Variants in RDH8 observed in about 807,000 individuals in gnomAD.
RDH8 encodes photoreceptor outer segment all-trans retinol dehydrogenase.
RDH8 carries 14 observed loss-of-function variants against 22.3 expected under a neutral mutation model. That is an observed-to-expected ratio of 0.63 (90% confidence interval 0.42 to 0.98). RDH8 has a LOEUF of 0.98. Ranked by LOEUF, RDH8 falls within the 50% of genes least tolerant of loss-of-function variation. RDH8 has a pLI of 0.00. For missense variants in RDH8, 389 were observed against 409.8 expected (o/e 0.95, Z 0.44); for synonymous variants, 175 against 171.7 (o/e 1.02, Z -0.15).
intron 1 of RDH8, among the ~76,000 whole-genome samples, chr19:10,014,374 C>T (rs1486764014): frequency 6.6e-6 from 1 of 152,120 alleles, no homozygotes; most frequent in African/African-American, 2.4e-5. Context: ...TAACGTGTGT[C>T]CCTATGGGCG....
intron 2 of RDH8, 58 bp from the exon 3 acceptor site, chr19:10,018,673 G>A (rs1346219902): frequency 7.0e-7 from 1 of 1,421,310 alleles, no homozygotes. Flanking sequence ...GGAGTGTCTA[G>A]AAGTAATGCT....
At chr19:10,021,487 G>C in intron 5 of RDH8, 47 bp from the exon 6 acceptor site, 1 of 1,613,856 alleles carries the variant, frequency 6.2e-7, no homozygotes, top group Non-Finnish European at 8.5e-7. Context: ...TATGTTGCGG[G>C]GTGAGGCCCT....
At chr19:10,016,051 A>C (rs1407137994) in intron 1 of RDH8, among the ~76,000 whole-genome samples, 1 of 151,550 alleles carries the variant, frequency 6.6e-6, no homozygotes, top group Non-Finnish European at 1.5e-5. Flanking sequence ...TTTTCATGGC[A>C]ATCTGTTTTA....
rs1435170112 is a variant in RDH8 at position 10,021,676 on chromosome 19, G to A, written c.863G>A (p.Cys288Tyr). The A allele has an allele frequency of 4.5e-5, 73 of 1,614,004 alleles. No homozygotes were observed. Among genetic ancestry groups the A allele is most frequent in the Non-Finnish European group, 6.2e-5 (73 of 1,180,024 alleles). ...ACGACCCACCGCCTCCTCTTCCGCTGTCCACGCCTCCTCAACCTTGGCCTT... is the reference window on the plus strand; with the variant it reads ...ACGACCCACCGCCTCCTCTTCCGCTATCCACGCCTCCTCAACCTTGGCCTT... ...VRTTHRLLFR[C>Y]PRLLNLGLQC... is the part of the protein sequence containing the mutation. The change falls in exon 6 of 6, where the codon TGT (cysteine) becomes TAT (tyrosine). Residue 288 changes from cysteine to tyrosine, a missense_variant. By Grantham distance (194) the Cys-to-Tyr change is radical. Coordinates refer to ENST00000591589, the MANE Select transcript of RDH8 (RefSeq NM_015725.4).
rs763537587 is a variant in RDH8 at position 10,020,773 on chromosome 19, C to T, written c.507C>T (p.Leu169=). The T allele has an allele frequency of 1.7e-5, 27 of 1,610,204 alleles. No homozygotes were observed. The highest frequency in any genetic ancestry group is 1.5e-4 in the African/African-American group (11 of 74,868). The change falls in exon 4 of 6, where the codon CTC becomes CTT. Residue 169 remains leucine, a synonymous_variant. Transcript: ENST00000591589. ...CCCTGGAGGGATTCTTCGAAAGCCT[C>T]GCTATCCAGCTGCTGCAGTTCAACA... ...KFALEGFFES[L]AIQLLQFNIF... is the part of the protein sequence containing the mutation.
chr19:10,017,552 G>C (rs1338594541), intron 2 of RDH8, among the ~76,000 whole-genome samples: 1 of 152,200 alleles, frequency 6.6e-6, no homozygotes, highest in African/African-American at 2.4e-5. Context: ...AGCTACTCGG[G>C]AGGCCAAGGT....
At chr19:10,016,989 A>G in intron 1 of RDH8, 68 bp from the exon 2 acceptor site, 1 of 1,400,964 alleles carries the variant, frequency 7.1e-7, no homozygotes, top group Non-Finnish European at 9.4e-7. Context: ...AAGATCACAG[A>G]CACGTGGCGC....
At chr19:10,018,250 T>C (rs560803828) in intron 2 of RDH8, among the ~76,000 whole-genome samples, 1 of 152,186 alleles carries the variant, frequency 6.6e-6, no homozygotes, top group South Asian at 2.1e-4. Flanking sequence ...AGCTCAAAAA[T>C]CAATTTTTTT....
At position 10,021,637 on chromosome 19, in the gene RDH8, G is replaced by C. The variant is rs968313681; in HGVS notation, c.824G>C (p.Ser275Thr). The C allele has an allele frequency of 1.2e-6, 2 of 1,613,716 alleles. No individual in the cohort carries two copies. Among genetic ancestry groups the C allele is most frequent in the East Asian group, 4.5e-5 (2 of 44,884 alleles). ...CTCAAAACCGTGGATTCCTCTGGCA[G>C]CCTGTATGTGCGAACGACCCACCGC... ...TTLKTVDSSG[S>T]LYVRTTHRLL... is the part of the protein sequence containing the mutation. Residue 275 changes from serine to threonine, a missense_variant, in exon 6 of 6, where the codon AGC becomes ACC. Physicochemically the swap from Ser to Thr is moderately conservative, Grantham distance 58 (BLOSUM62 1). Transcript: ENST00000591589.
chr19:10,018,669 T>A (rs1433149000), intron 2 of RDH8, 62 bp from the exon 3 acceptor site: 1 of 1,392,188 alleles, frequency 7.2e-7, no homozygotes, highest in Non-Finnish European at 9.9e-7. Flanking sequence ...TCAGGGAGTG[T>A]CTAGAAGTAA....
chr19:10,021,264 G>T lies in RDH8; in HGVS notation c.546G>T (p.Leu182=). Residue 182 remains leucine, a synonymous_variant, in exon 5 of 6, where the codon CTG becomes CTT. Transcript: ENST00000591589. ...CATGCCTGGTCGCCAGCATCTCCCT[G>T]GTGGAGCCAGGCCCCGTGGTCACCG... ...QLLQFNIFIS[L]VEPGPVVTEF... 2.5e-6 allele frequency: 4 copies of T among 1,614,082 alleles called. No homozygotes were observed. The highest frequency in any genetic ancestry group is 3.4e-6 in the Non-Finnish European group (4 of 1,180,004).
At position 10,022,070 on chromosome 19, in the gene RDH8, A is replaced by C; in HGVS notation, c.*321A>C. 6.2e-6 allele frequency: 2 copies of C among 322,206 alleles called. No individual in the cohort carries two copies. The highest frequency in any genetic ancestry group is 1.2e-5 in the Non-Finnish European group (2 of 172,972). The allele number at this position is 322,206 out of a possible 1,614,324, so 20.0% of individuals were successfully genotyped here. On this transcript the variant is annotated 3_prime_UTR_variant, in exon 6 of 6. Transcript: ENST00000591589. ...TTATGAGCCTTGAAGGAAGAGACAG[A>C]CTCTGCTACATTCAACCTCGTGACT...
rs146727811 is a variant in RDH8 at position 10,018,736 on chromosome 19, A to G, written c.268A>G (p.Asn90Asp). ...IQGEVDVLVNNAGMGLVGPLE... is the reference protein window; with the variant it reads ...IQGEVDVLVNDAGMGLVGPLE... ...CTTAGTACCTCTTCTCTTAGTGAAT[A>G]ATGCTGGAATGGGCCTGGTGGGGCC... Residue 90 changes from asparagine to aspartate, a missense_variant, in exon 3 of 6, where the codon AAT becomes GAT. Coordinates refer to ENST00000591589, the MANE Select transcript of RDH8 (RefSeq NM_015725.4). 1.2e-6 allele frequency: 2 copies of G among 1,601,104 alleles called. No homozygotes were observed. Among genetic ancestry groups the G allele is most frequent in the African/African-American group, 2.7e-5 (2 of 74,534 alleles).
chr19:10,017,075 A>G lies in RDH8; in HGVS notation c.122A>G (p.Asp41Gly), dbSNP rs780128635. ...KRYQVVATMR[D>G]LGKKETLEAA... Reference sequence around the variant, plus strand: ...CCCGCAGTCGTGGCCACCATGAGGGACCTGGGGAAGAAGGAGACACTGGAG... The same window carrying G: ...CCCGCAGTCGTGGCCACCATGAGGGGCCTGGGGAAGAAGGAGACACTGGAG... The change falls in exon 2 of 6, where the codon GAC becomes GGC. Residue 41 changes from aspartate to glycine, a missense_variant. Asp to Gly is a moderately conservative substitution (Grantham distance 94, BLOSUM62 -1). Coordinates refer to ENST00000591589, the MANE Select transcript of RDH8 (RefSeq NM_015725.4). The G allele has an allele frequency of 1.0e-5, 16 of 1,589,228 alleles. No homozygotes were observed. Among genetic ancestry groups the G allele is most frequent in the Admixed American group, 5.2e-5 (3 of 58,252 alleles).
chr19:10,015,689 C>T (rs756625594), intron 1 of RDH8, among the ~76,000 whole-genome samples: 22 of 151,360 alleles, frequency 1.5e-4, no homozygotes, highest in Non-Finnish European at 2.4e-4. Context: ...GCTCCTCACG[C>T]CTGTAATCCC....
At position 10,021,687 on chromosome 19, in the gene RDH8, C is replaced by T. The variant is rs769477275; in HGVS notation, c.874C>T (p.Leu292Phe). 1.9e-6 allele frequency: 3 copies of T among 1,614,176 alleles called. No individual in the cohort carries two copies. Among genetic ancestry groups the T allele is most frequent in the Non-Finnish European group, 2.5e-6 (3 of 1,180,036 alleles). ...CCTCCTCTTCCGCTGTCCACGCCTC[C>T]TCAACCTTGGCCTTCAATGTCTGTC... is the stretch of plus-strand genomic sequence containing the variant. ...HRLLFRCPRLLNLGLQCLSCG... is the reference protein window; with the variant it reads ...HRLLFRCPRLFNLGLQCLSCG... Residue 292 changes from leucine (L) to phenylalanine (F), a missense_variant, in exon 6 of 6, where the codon CTC becomes TTC. Transcript: ENST00000591589.
At chr19:10,017,273 C>T in intron 2 of RDH8, 58 bp downstream of exon 2, 1 of 1,440,046 alleles carries the variant, frequency 6.9e-7, no homozygotes, top group Non-Finnish European at 9.2e-7. Flanking sequence ...TATAGACCCT[C>T]AATATGGCAA....
intron 1 of RDH8, among the ~76,000 whole-genome samples, chr19:10,014,729 G>A (rs1398024767): frequency 2.6e-5 from 4 of 152,082 alleles, no homozygotes; most frequent in Non-Finnish European, 5.9e-5. Context: ...AATAGACAAG[G>A]TTTCACCATG....
Position 10,013,578 on chromosome 19 carries a change from T to G in RDH8, c.81T>G (p.His27Gln). The change falls in exon 1 of 6, where the codon CAT (histidine) becomes CAG (glutamine). Residue 27 changes from histidine to glutamine, a missense_variant. Coordinates refer to ENST00000591589, the MANE Select transcript of RDH8 (RefSeq NM_015725.4). ...IGLELAVQLAHDPKKRYQVVA... is the reference protein window; with the variant it reads ...IGLELAVQLAQDPKKRYQVVA... ...TGGAACTTGCAGTGCAACTGGCCCA[T>G]GACCCCAAGAAGCGCTACCAGGGTA... The G allele has an allele frequency of 6.2e-7, 1 of 1,613,968 alleles. No individual in the cohort carries two copies. The highest frequency in any genetic ancestry group is 1.6e-4 in the Middle Eastern group (1 of 6,062).
Sources: gnomAD v4.1 joint callset for allele counts (sites outside exome capture counted in the v4.1 genomes callset) on GRCh38, gnomAD v4.1.1 for gene constraint, MANE v1.5 for transcripts, NCBI Gene and HGNC (gene_info 2026-07-23, HGNC 2026-07-21) for gene names.